GPM6A: variants seen among roughly 807,000 people sequenced by gnomAD.
The protein encoded by GPM6A is neuronal membrane glycoprotein M6-a.
In GPM6A, 7 loss-of-function variants were observed where a neutral mutation model predicts 32.1. The ratio of observed to expected loss-of-function variants is 0.22; its 90% CI spans 0.12 to 0.41. The LOEUF is 0.41. Among genes scored for constraint, GPM6A ranks in the 10% least tolerant of loss-of-function variants. The pLI, the probability that GPM6A is intolerant of heterozygous loss-of-function variation, is 1.00. For synonymous variants in GPM6A, 130 were observed against 123.4 expected, an observed-to-expected ratio of 1.05 and a Z score of -0.35; for missense variants, 235 against 347.2, an observed-to-expected ratio of 0.68 and a Z score of 2.57.
At chr4:175,893,404 C>T (rs1241087034) in intron 1 of GPM6A, among the ~76,000 whole-genome samples, 4 of 152,248 alleles carry the variant, frequency 2.6e-5, no homozygotes, top group East Asian at 3.9e-4. Context: ...ATTTCTAAAA[C>T]TGATTCCCTT....
At chr4:175,766,815 C>T (rs544827018) in intron 1 of GPM6A, among the ~76,000 whole-genome samples, 5 of 151,866 alleles carry the variant, frequency 3.3e-5, no homozygotes, top group Non-Finnish European at 7.4e-5. Context: ...CCACCATGCC[C>T]GGCTAATTTT....
At chr4:175,815,295 G>A (rs377272584), upstream of GPM6A, among the ~76,000 whole-genome samples, 11 of 152,106 alleles carry the variant, frequency 7.2e-5, no homozygotes, top group African/African-American at 2.2e-4. Context: ...GATTACAGGC[G>A]TGAGCCACCA....
At chr4:175,747,269 C>CAAA (rs5864346) in intron 1 of GPM6A, among the ~76,000 whole-genome samples, 29 of 109,466 alleles carry the variant, frequency 2.6e-4, no homozygotes, top group East Asian at 8.1e-4. Context: ...ACTCCATCTC[C>CAAA]AAAAAAAAAA....
chr4:175,899,673 G>A (rs1407904560), intron 1 of GPM6A, among the ~76,000 whole-genome samples: 1 of 151,988 alleles, frequency 6.6e-6, no homozygotes, highest in Non-Finnish European at 1.5e-5. Flanking sequence ...TGCGTATGCA[G>A]AAGAATGAAA....
chr4:175,706,704 T>C (rs1412117362), intron 1 of GPM6A, among the ~76,000 whole-genome samples: 1 of 152,140 alleles, frequency 6.6e-6, no homozygotes, highest in African/African-American at 2.4e-5. Context: ...AACTCCATCT[T>C]GAATAGGGGC....
intron 4 of GPM6A, among the ~76,000 whole-genome samples, chr4:175,644,967 G>A (rs539934328): frequency 1.3e-5 from 2 of 152,194 alleles, no homozygotes; most frequent in East Asian, 3.9e-4. Context: ...AAATTAGCCA[G>A]GCGTGGTGGT....
chr4:175,984,044 C>T (rs1468837558), intron 1 of GPM6A, among the ~76,000 whole-genome samples: 5 of 152,148 alleles, frequency 3.3e-5, no homozygotes, highest in African/African-American at 1.2e-4. Flanking sequence ...CACACACTCA[C>T]ACACACCTGA....
intron 1 of GPM6A, among the ~76,000 whole-genome samples, chr4:175,702,662 A>G (rs1279507428): frequency 6.6e-6 from 1 of 152,102 alleles, no homozygotes; most frequent in African/African-American, 2.4e-5. Context: ...CTACAGGCAC[A>G]CACCTCCGTG....
At chr4:175,762,507 T>G (rs1732789037) in intron 1 of GPM6A, among the ~76,000 whole-genome samples, 1 of 152,180 alleles carries the variant, frequency 6.6e-6, no homozygotes, top group South Asian at 2.1e-4. Context: ...TATTGCTATG[T>G]TTAGTATGAA....
At chr4:175,707,029 G>A (rs926418694) in intron 1 of GPM6A, among the ~76,000 whole-genome samples, 2 of 152,146 alleles carry the variant, frequency 1.3e-5, no homozygotes, top group Non-Finnish European at 2.9e-5. Context: ...AAAAAGGGGA[G>A]GAACCATCAG....
At chr4:175,879,485 GA>G (rs1344355314) in intron 1 of GPM6A, among the ~76,000 whole-genome samples, 2 of 152,254 alleles carry the variant, frequency 1.3e-5, no homozygotes, top group East Asian at 3.9e-4. Flanking sequence ...AGGGCGGCAG[GA>G]GAGAGAATGA....
At chr4:175,936,539 T>C (rs1446267518) in intron 1 of GPM6A, among the ~76,000 whole-genome samples, 1 of 151,990 alleles carries the variant, frequency 6.6e-6, no homozygotes, top group Non-Finnish European at 1.5e-5. Context: ...CTGCAGGCAT[T>C]CAATAGGTAT....
intron 3 of GPM6A, 76 bp from the exon 4 acceptor site, chr4:175,652,063 C>T (rs1741841021): frequency 8.8e-7 from 1 of 1,136,032 alleles, no homozygotes; most frequent in Non-Finnish European, 1.3e-6. Context: ...ATCTGCAAAG[C>T]TCCATTATAG....
intron 1 of GPM6A, among the ~76,000 whole-genome samples, chr4:175,754,997 T>G (rs778347901): frequency 6.6e-6 from 1 of 152,022 alleles, no homozygotes; most frequent in South Asian, 2.1e-4. Context: ...TTACACATTT[T>G]GTAGGCACTT....
At chr4:175,679,781 T>C (rs775681920) in intron 2 of GPM6A, among the ~76,000 whole-genome samples, 19 of 152,198 alleles carry the variant, frequency 1.2e-4, no homozygotes, top group Admixed American at 1.3e-4. Context: ...ATTATTTTGG[T>C]ACTCAAATTT....
intron 1 of GPM6A, among the ~76,000 whole-genome samples, chr4:175,970,080 CCTTT>C (rs1367676792): frequency 6.6e-6 from 1 of 152,210 alleles, no homozygotes; most frequent in East Asian, 1.9e-4. Context: ...CTTCCTTTCT[CCTTT>C]CTAAAAACAT....
intron 1 of GPM6A, among the ~76,000 whole-genome samples, chr4:175,917,893 A>C (rs577444725): frequency 6.6e-6 from 1 of 152,294 alleles, no homozygotes; most frequent in Non-Finnish European, 1.5e-5. Context: ...ATACTATTAT[A>C]ATAATTTTTA....
At chr4:175,800,276 T>C (rs1035397611) in intron 1 of GPM6A, among the ~76,000 whole-genome samples, 2 of 152,170 alleles carry the variant, frequency 1.3e-5, no homozygotes, top group African/African-American at 2.4e-5. Context: ...AAACCCAAAA[T>C]TATATAGCAT....
At chr4:175,778,025 C>T (rs1733461665) in intron 1 of GPM6A, among the ~76,000 whole-genome samples, 1 of 152,132 alleles carries the variant, frequency 6.6e-6, no homozygotes, top group African/African-American at 2.4e-5. Context: ...ATTTATTTCA[C>T]AGCATAATGG....
Sources: allele counts gnomAD v4.1 joint callset (sites outside exome capture counted in the v4.1 genomes callset), GRCh38; gene constraint gnomAD v4.1.1; transcripts MANE v1.5; gene names NCBI Gene and HGNC (gene_info 2026-07-23, HGNC 2026-07-21).